SYTL5: variants seen among roughly 807,000 people sequenced by gnomAD.
SYTL5 encodes synaptotagmin like 5.
A neutral mutation model predicts 55.9 loss-of-function variants in SYTL5; 34 were observed. That is an observed-to-expected ratio of 0.61 (90% CI 0.46 to 0.81). The LOEUF (loss-of-function observed/expected upper bound fraction) is 0.81, where lower values mean the gene tolerates loss of function less well. Ranked by LOEUF, SYTL5 falls within the 30% of genes least tolerant of loss-of-function variation. The pLI is 0.00. For synonymous variants in SYTL5, 221 were observed against 188.7 expected, an observed-to-expected ratio of 1.17 and a Z score of -1.40; for missense variants, 637 against 546.7, an observed-to-expected ratio of 1.17 and a Z score of -1.65.
intron 3 of SYTL5, among the ~76,000 whole-genome samples, chrX:38,068,590 G>A (rs1463767912): frequency 1.8e-5 from 2 of 112,178 alleles, no homozygotes; most frequent in African/African-American, 6.5e-5. Context: ...GGAATACTAT[G>A]CAGTCATAAA....
chrX:37,980,302 C>T, the SYTL5 span, among the ~76,000 whole-genome samples: 3 of 111,747 alleles, frequency 2.7e-5, no homozygotes, highest in Admixed American at 1.9e-4. Flanking sequence ...GGATTCCCCA[C>T]GAAGTACTGG....
At chrX:38,080,878 A>G (rs779128897) in intron 6 of SYTL5, among the ~76,000 whole-genome samples, 9 of 111,740 alleles carry the variant, frequency 8.1e-5, no homozygotes, top group Non-Finnish European at 1.5e-4. Flanking sequence ...GCAAGGTGGG[A>G]GTGTTTAACT....
Position 38,072,064 on chromosome X carries a change from C to A in SYTL5, c.347C>A (p.Thr116Asn). 8.3e-7 allele frequency: 1 copy of A among 1,207,660 alleles called. No individual in the cohort carries two copies. Among genetic ancestry groups the A allele is most frequent in the South Asian group, 1.8e-5 (1 of 56,698 alleles). Reference protein sequence around the residue: ...CDKIAQLRIITGEWFFEEKAK... With the variant: ...CDKIAQLRIINGEWFFEEKAK... ...TTGAGTAGGCAGCTAAGGATTATAA[C>A]TGGTGAGTGGTTTTTTGAAGAAAAG... The change falls in exon 4 of 17, where the codon ACT (threonine) becomes AAT (asparagine). Residue 116 changes from threonine (T) to asparagine (N), a missense_variant. Transcript: ENST00000297875.
intron 7 of SYTL5, among the ~76,000 whole-genome samples, chrX:38,090,640 C>A (rs773420216): frequency 5.4e-5 from 6 of 111,896 alleles, no homozygotes; most frequent in South Asian, 3.7e-4. Flanking sequence ...TAATGAGAAC[C>A]TACTATATGA....
At chrX:37,935,862 T>C in the SYTL5 span, among the ~76,000 whole-genome samples, 1 of 112,316 alleles carries the variant, frequency 8.9e-6, no homozygotes, top group African/African-American at 3.2e-5. Context: ...ATATAAAAAA[T>C]AAATTTCAAA....
intron 2 of SYTL5, among the ~76,000 whole-genome samples, chrX:38,044,832 C>A: frequency 9.0e-6 from 1 of 111,408 alleles, no homozygotes; most frequent in South Asian, 3.8e-4. Flanking sequence ...TCTTAATGGG[C>A]CAGGAAATTG....
At chrX:37,936,853 C>A in the SYTL5 span, among the ~76,000 whole-genome samples, 1 of 107,558 alleles carries the variant, frequency 9.3e-6, no homozygotes, top group African/African-American at 3.5e-5. Context: ...ACCAGCCTGG[C>A]CAACATGGAG....
At chrX:37,975,641 G>A in the SYTL5 span, among the ~76,000 whole-genome samples, 1 of 111,560 alleles carries the variant, frequency 9.0e-6, no homozygotes, top group African/African-American at 3.3e-5. Context: ...GTGGAGTATA[G>A]AAGCTGTGGA....
At chrX:38,123,386 C>A (rs1937593378) in intron 15 of SYTL5, among the ~76,000 whole-genome samples, 1 of 111,720 alleles carries the variant, frequency 9.0e-6, no homozygotes, top group Non-Finnish European at 1.9e-5. Flanking sequence ...GCCTCGGCCT[C>A]CCAAAGTGCT....
At chrX:37,965,651 C>G in the SYTL5 span, among the ~76,000 whole-genome samples, 2 of 111,799 alleles carry the variant, frequency 1.8e-5, no homozygotes, top group South Asian at 7.3e-4. Flanking sequence ...CAAGTCTACT[C>G]TTATGATATT....
In SYTL5 at chrX:38,034,056, G is replaced by C. The variant is rs201757840; in HGVS notation, c.119+48G>C. 55 of 775,598 alleles carry C rather than the reference G, an allele frequency of 7.1e-5. 1 individual carries two copies. In the African/African-American group the frequency reaches 9.9e-4, roughly 14 times the overall value. The allele number at this position is 775,598 out of a possible 1,213,427, so 63.9% of individuals were successfully genotyped here. Reference sequence around the variant, plus strand: ...AGTCCTCCTTGACTGCTTTCTGTTTGTTTGAAGCAATTTAGATCAGAAATG... The same window carrying C: ...AGTCCTCCTTGACTGCTTTCTGTTTCTTTGAAGCAATTTAGATCAGAAATG... On this transcript the variant is annotated intron_variant, in intron 2 of 16. Transcript: ENST00000297875.
At chrX:37,991,117 G>T in the SYTL5 span, 1 of 1,211,577 alleles carries the variant, frequency 8.3e-7, no homozygotes, top group South Asian at 1.8e-5. Flanking sequence ...GACAACAACC[G>T]TGAGCCCCAC....
chrX:38,118,984 C>T (rs971139913), intron 13 of SYTL5, among the ~76,000 whole-genome samples: 2 of 99,817 alleles, frequency 2.0e-5, no homozygotes, highest in East Asian at 3.1e-4. Context: ...TACGCATATA[C>T]ATATATATGT....
the SYTL5 span, chrX:37,990,957 C>G: frequency 8.3e-7 from 1 of 1,211,828 alleles, no homozygotes; most frequent in East Asian, 3.0e-5. Flanking sequence ...GCAAGATGAA[C>G]GAGACGTCCA....
chrX:38,036,344 T>C (rs2147214654), intron 2 of SYTL5, among the ~76,000 whole-genome samples: 1 of 110,932 alleles, frequency 9.0e-6, no homozygotes, highest in South Asian at 3.9e-4. Flanking sequence ...TATTATACTC[T>C]TTCTTCCTTT....
At chrX:37,920,805 T>C in the SYTL5 span, among the ~76,000 whole-genome samples, 1 of 111,617 alleles carries the variant, frequency 9.0e-6, no homozygotes, top group African/African-American at 3.3e-5. Context: ...ATACAATAAA[T>C]ACTCAGTTGA....
the SYTL5 span, among the ~76,000 whole-genome samples, chrX:37,963,430 A>G: frequency 9.1e-6 from 1 of 109,857 alleles, no homozygotes; most frequent in Non-Finnish European, 1.9e-5. Flanking sequence ...CTGGGACTAC[A>G]GGCATGTGCC....
chrX:38,120,227 G>A (rs2147701489), intron 13 of SYTL5, 131 bp from the exon 14 acceptor site: 1 of 473,069 alleles, frequency 2.1e-6, no homozygotes, highest in Non-Finnish European at 3.7e-6. Flanking sequence ...ACCAGTGAGA[G>A]CGAACAGAGT....
chrX:37,937,650 C>T, the SYTL5 span, among the ~76,000 whole-genome samples: 4 of 112,054 alleles, frequency 3.6e-5, no homozygotes, highest in African/African-American at 1.3e-4. Flanking sequence ...CTGTGAGGTA[C>T]TAAATGAGTG....
Sources: allele counts gnomAD v4.1 joint callset (sites outside exome capture counted in the v4.1 genomes callset), GRCh38; gene constraint gnomAD v4.1.1; transcripts MANE v1.5; gene names NCBI Gene and HGNC (gene_info 2026-07-23, HGNC 2026-07-21).